POU2AF2: variants seen among roughly 807,000 people sequenced by gnomAD.
POU2AF2 encodes POU domain class 2-associating factor 2.
At chr11:111,272,783 A>G in the POU2AF2 span, among the ~76,000 whole-genome samples, 110,847 of 152,086 alleles carry the variant, frequency 0.73, 40,590 homozygotes, top group Middle Eastern at 0.82. Flanking sequence ...CATTTTAATA[A>G]AATGAATGAA....
the POU2AF2 span, among the ~76,000 whole-genome samples, chr11:111,262,682 G>A: frequency 6.6e-6 from 1 of 152,182 alleles, no homozygotes; most frequent in Non-Finnish European, 1.5e-5. Flanking sequence ...GGCTACAAAT[G>A]GTCTTGGGTA....
At chr11:111,271,649 G>T in the POU2AF2 span, among the ~76,000 whole-genome samples, 7 of 152,232 alleles carry the variant, frequency 4.6e-5, no homozygotes, top group Middle Eastern at 3.4e-3. Context: ...GTCTCAAACT[G>T]TTGAGCTCAA....
the POU2AF2 span, among the ~76,000 whole-genome samples, chr11:111,257,800 A>G: frequency 1.3e-5 from 2 of 152,336 alleles, no homozygotes; most frequent in Admixed American, 6.5e-5. Flanking sequence ...GTGCCTGCTC[A>G]GAATCACCTG....
the POU2AF2 span, among the ~76,000 whole-genome samples, chr11:111,257,097 A>G: frequency 6.6e-6 from 1 of 152,236 alleles, no homozygotes; most frequent in Non-Finnish European, 1.5e-5. Context: ...CAAGTAAAAT[A>G]TAATCACATG....
the POU2AF2 span, among the ~76,000 whole-genome samples, chr11:111,258,556 C>A: frequency 6.6e-6 from 1 of 152,182 alleles, no homozygotes; most frequent in African/African-American, 2.4e-5. Context: ...CCTAATATGA[C>A]TTCTTGCTCA....
the POU2AF2 span, among the ~76,000 whole-genome samples, chr11:111,268,720 G>A: frequency 6.6e-6 from 1 of 151,172 alleles, no homozygotes; most frequent in African/African-American, 2.4e-5. Context: ...TTTGTTTGTT[G>A]TATTTTTAGT....
chr11:111,271,800 G>T, the POU2AF2 span, among the ~76,000 whole-genome samples: 1 of 152,094 alleles, frequency 6.6e-6, no homozygotes, highest in Admixed American at 6.5e-5. Context: ...ATCACCTGGG[G>T]TCAGGAGTTC....
At chr11:111,248,733 T>C in the POU2AF2 span, among the ~76,000 whole-genome samples, 1 of 152,204 alleles carries the variant, frequency 6.6e-6, no homozygotes, top group African/African-American at 2.4e-5. Flanking sequence ...CATTAAATAA[T>C]TTAAAAGCAG....
At chr11:111,279,595 T>G in the POU2AF2 span, among the ~76,000 whole-genome samples, 1 of 152,326 alleles carries the variant, frequency 6.6e-6, no homozygotes, top group Non-Finnish European at 1.5e-5. Flanking sequence ...TCTGCATCTG[T>G]GTCTTTGTGC....
chr11:111,277,483 T>G, the POU2AF2 span, among the ~76,000 whole-genome samples: 1 of 152,214 alleles, frequency 6.6e-6, no homozygotes, highest in African/African-American at 2.4e-5. Flanking sequence ...AGAGCAGATA[T>G]GTCAAAAGGT....
the POU2AF2 span, among the ~76,000 whole-genome samples, chr11:111,259,940 A>G: frequency 1.1e-3 from 168 of 152,330 alleles, no homozygotes; most frequent in Non-Finnish European, 1.6e-3. Context: ...TGGACTTTAG[A>G]CATTTGCATG....
chr11:111,263,534 G>C, the POU2AF2 span, among the ~76,000 whole-genome samples: 1 of 147,684 alleles, frequency 6.8e-6, no homozygotes, highest in Non-Finnish European at 1.5e-5. Context: ...CTGGGTTCAA[G>C]TGATTCTTCT....
the POU2AF2 span, among the ~76,000 whole-genome samples, chr11:111,277,922 G>T: frequency 6.6e-6 from 1 of 152,210 alleles, no homozygotes; most frequent in Non-Finnish European, 1.5e-5. Context: ...ATGGGCGCCT[G>T]CTACATGGGA....
chr11:111,247,189 C>CAGAGAGAGAGAGAG, the POU2AF2 span, among the ~76,000 whole-genome samples: 222 of 34,354 alleles, frequency 6.5e-3, no homozygotes, highest in Middle Eastern at 0.015. Flanking sequence ...CATACACACA[C>CAGAGAGAGAGAGAG]ACAGAGAGAG....
chr11:111,255,650 A>G, the POU2AF2 span, among the ~76,000 whole-genome samples: 1 of 152,230 alleles, frequency 6.6e-6, no homozygotes, highest in Non-Finnish European at 1.5e-5. Context: ...TTCAAGTTGC[A>G]TCCAATCCTT....
the POU2AF2 span, among the ~76,000 whole-genome samples, chr11:111,270,223 A>G: frequency 6.6e-6 from 1 of 152,248 alleles, no homozygotes; most frequent in Admixed American, 6.5e-5. Context: ...TGTTGCACCA[A>G]CAAGTTAATG....
At chr11:111,282,785 T>TTGTGACC in the POU2AF2 span, among the ~76,000 whole-genome samples, 1,575 of 152,306 alleles carry the variant, frequency 0.01, 22 homozygotes, top group African/African-American at 0.036. Context: ...TTCAGCCTTT[T>TTGTGACC]TGTGACCTAT....
At chr11:111,268,997 TA>T in the POU2AF2 span, among the ~76,000 whole-genome samples, 1 of 152,160 alleles carries the variant, frequency 6.6e-6, no homozygotes, top group East Asian at 1.9e-4. Flanking sequence ...AAATATATCT[TA>T]TTTATCCTTG....
chr11:111,260,396 T>G, the POU2AF2 span, among the ~76,000 whole-genome samples: 4 of 152,208 alleles, frequency 2.6e-5, no homozygotes, highest in Admixed American at 2.6e-4. Flanking sequence ...GAGTTCTGCT[T>G]TATACGGCAG....
Sources: allele counts gnomAD v4.1 joint callset (sites outside exome capture counted in the v4.1 genomes callset), GRCh38; gene constraint gnomAD v4.1.1; transcripts MANE v1.5; gene names NCBI Gene and HGNC (gene_info 2026-07-23, HGNC 2026-07-21).